ZDHHC5: variants seen among roughly 807,000 people sequenced by gnomAD.
The protein encoded by ZDHHC5 is palmitoyltransferase ZDHHC5.
Under a neutral mutation model 70.0 loss-of-function variants are expected in ZDHHC5, and 22 were observed. The observed-to-expected ratio is 0.31, with a 90% CI of 0.22 to 0.45. The LOEUF (loss-of-function observed/expected upper bound fraction) is 0.45, where lower values mean the gene tolerates loss of function less well. Among genes scored for constraint, ZDHHC5 ranks in the 20% least tolerant of loss-of-function variants. The pLI, the probability that ZDHHC5 is intolerant of heterozygous loss-of-function variation, is 1.00. For synonymous variants in ZDHHC5, 313 were observed against 347.8 expected (o/e 0.90, Z 1.11); for missense variants, 746 against 926.9 (o/e 0.80, Z 2.53).
chr11:57,672,370 T>C lies in ZDHHC5; in HGVS notation c.-721T>C. 1 of 396,216 alleles carries C rather than the reference T, an allele frequency of 2.5e-6. No individual in the cohort carries two copies. The highest frequency in any genetic ancestry group is 4.4e-6 in the Non-Finnish European group (1 of 225,110). 24.5% of individuals were successfully genotyped at this position (396,216 alleles called of 1,614,324 possible). On this transcript the variant is annotated 5_prime_UTR_variant, in exon 2 of 12. Coordinates refer to ENST00000287169, the MANE Select transcript of ZDHHC5 (RefSeq NM_015457.3). ...ATTTACAGCTCAAACTTAGAACAGC[T>C]GTTGTCCAGCTTTAGCCATCAAGAG... is the stretch of plus-strand genomic sequence containing the variant.
intron 7 of ZDHHC5, among the ~76,000 whole-genome samples, chr11:57,693,457 A>G (rs569366456): frequency 1.3e-5 from 2 of 152,176 alleles, no homozygotes; most frequent in Admixed American, 6.5e-5. Flanking sequence ...TCTGCGGCCC[A>G]GGGGTTGGGG....
At chr11:57,683,375 C>G (rs781624739) in intron 3 of ZDHHC5, among the ~76,000 whole-genome samples, 6 of 152,146 alleles carry the variant, frequency 3.9e-5, no homozygotes, top group African/African-American at 7.2e-5. Flanking sequence ...GAATTCAAGG[C>G]TGGATTTACA....
In ZDHHC5 at chr11:57,680,092, A is replaced by G. The variant is rs74378915; in HGVS notation, c.105-2330A>G. 2.6e-3 allele frequency among the ~76,000 whole-genome samples: 397 copies of G among 152,284 alleles called. 9 individuals are homozygous for G. The East Asian group carries it at 0.066, about 25-fold the overall frequency. ...CCAAGAAACTGAGTTGCTTTGCCTA[A>G]AAATGAAACTGGCTGGGCATGGTGG... On this transcript the variant is annotated intron_variant, in intron 2 of 11. Coordinates refer to ENST00000287169, the MANE Select transcript of ZDHHC5 (RefSeq NM_015457.3).
chr11:57,684,898 G>GC (rs1295081372), intron 3 of ZDHHC5, among the ~76,000 whole-genome samples: 17 of 152,220 alleles, frequency 1.1e-4, no homozygotes, highest in African/African-American at 3.9e-4. Context: ...CTTAATCCCA[G>GC]CACTTTGGGA....
At chr11:57,683,852 G>C (rs1946177296) in intron 3 of ZDHHC5, among the ~76,000 whole-genome samples, 1 of 151,996 alleles carries the variant, frequency 6.6e-6, no homozygotes. Context: ...AGGAGAAATA[G>C]AACAAAGTGG....
At chr11:57,677,491 T>C (rs1946087345) in intron 2 of ZDHHC5, among the ~76,000 whole-genome samples, 1 of 151,984 alleles carries the variant, frequency 6.6e-6, no homozygotes, top group Non-Finnish European at 1.5e-5. Flanking sequence ...TTCACCATAA[T>C]GGCCAGGCTG....
rs752124059 is a variant in ZDHHC5, at chr11:57,690,399, G to A, written c.622G>A (p.Val208Met). The A allele has an allele frequency of 8.7e-6, 14 of 1,614,054 alleles. No individual in the cohort carries two copies. Among genetic ancestry groups the A allele is most frequent in the South Asian group, 2.2e-5 (2 of 91,092 alleles). The change falls in exon 6 of 12, where the codon GTG becomes ATG. Residue 208 changes from valine to methionine, a missense_variant. Around this residue, in one of 6 missense-constraint regions of ZDHHC5, gnomAD observed 114 missense variants for 179.3 expected, o/e 0.64. Coordinates refer to ENST00000287169, the MANE Select transcript of ZDHHC5 (RefSeq NM_015457.3). ...IPVAGLTGFH[V>M]VLVARGRTTN... is the part of the protein sequence containing the mutation. ...TGTAGCTGGCCTCACGGGATTTCAC[G>A]TGGTTCTGGTGGCCAGGGGACGCAC... is the stretch of plus-strand genomic sequence containing the variant.
rs1300942959 is a variant in ZDHHC5 at position 57,673,108 on chromosome 11, A to G, written c.18A>G (p.Gly6=). The G allele has an allele frequency of 6.2e-7, 1 of 1,613,830 alleles. No individual in the cohort carries two copies. The highest frequency in any genetic ancestry group is 8.5e-7 in the Non-Finnish European group (1 of 1,179,898). Residue 6 remains glycine, a synonymous_variant, in exon 2 of 12, where the codon GGA becomes GGG. Coordinates refer to ENST00000287169, the MANE Select transcript of ZDHHC5 (RefSeq NM_015457.3). MPAES[G]KRFKPSKYVP... ...GCTCCAACATGCCCGCAGAGTCTGG[A>G]AAGAGATTCAAACCCAGCAAGTATG... is the stretch of plus-strand genomic sequence containing the variant.
intron 4 of ZDHHC5, among the ~76,000 whole-genome samples, chr11:57,689,470 C>T (rs905804808): frequency 1.1e-4 from 16 of 152,034 alleles, no homozygotes; most frequent in African/African-American, 2.6e-4. Context: ...CTCCGCCTCC[C>T]GGGTTCAACC....
At chr11:57,696,091 G>A in intron 9 of ZDHHC5, 48 bp downstream of exon 9, 2 of 1,579,206 alleles carry the variant, frequency 1.3e-6, no homozygotes, top group South Asian at 1.2e-5. Context: ...GGGCAGGATT[G>A]AGAAGGTTGC....
Position 57,700,105 on chromosome 11 carries a change from C to G in ZDHHC5, c.*74C>G. 2.0e-6 allele frequency: 3 copies of G among 1,490,292 alleles called. No homozygotes were observed. The South Asian group carries it at 4.1e-5, about 21-fold the overall frequency. 92.3% of individuals were successfully genotyped at this position (1,490,292 alleles called of 1,614,324 possible). A position where few individuals can be genotyped will look rare whatever the true frequency, so the allele number is the denominator to read the frequency against. On this transcript the variant is annotated 3_prime_UTR_variant, in exon 12 of 12. Coordinates refer to ENST00000287169, the MANE Select transcript of ZDHHC5 (RefSeq NM_015457.3). ...CCCCAGGTGGCCACCTTCCTTCCCTCAAGGGGCTCCCCTCCCGTGCATGGA... is the reference window on the plus strand; with the variant it reads ...CCCCAGGTGGCCACCTTCCTTCCCTGAAGGGGCTCCCCTCCCGTGCATGGA...
chr11:57,681,941 C>T (rs1056631008), intron 2 of ZDHHC5, among the ~76,000 whole-genome samples: 3 of 152,194 alleles, frequency 2.0e-5, no homozygotes, highest in African/African-American at 7.2e-5. Context: ...TGGTTCAGTC[C>T]CCTGGCAAGG....
At chr11:57,685,257 A>C (rs895574724) in intron 3 of ZDHHC5, among the ~76,000 whole-genome samples, 2 of 152,228 alleles carry the variant, frequency 1.3e-5, no homozygotes, top group African/African-American at 4.8e-5. Flanking sequence ...GTGTCCCTAA[A>C]GCCAAGAAAG....
At chr11:57,690,842 C>T (rs866737764) in intron 6 of ZDHHC5, among the ~76,000 whole-genome samples, 2 of 151,970 alleles carry the variant, frequency 1.3e-5, no homozygotes, top group South Asian at 2.1e-4. Context: ...ACCCTGGGGC[C>T]TGTTGTGGGG....
intron 4 of ZDHHC5, 138 bp from the exon 5 acceptor site, chr11:57,689,893 G>T: frequency 8.4e-7 from 1 of 1,187,726 alleles, no homozygotes. Context: ...GATTTATAGA[G>T]CAAAATAAAC....
intron 2 of ZDHHC5, among the ~76,000 whole-genome samples, chr11:57,677,764 TC>T (rs1357548497): frequency 6.6e-6 from 1 of 152,074 alleles, no homozygotes; most frequent in Non-Finnish European, 1.5e-5. Flanking sequence ...TGGTCCCCCC[TC>T]CCCCGTAACT....
intron 6 of ZDHHC5, among the ~76,000 whole-genome samples, chr11:57,691,188 C>G (rs528542628): frequency 6.6e-6 from 1 of 152,112 alleles, no homozygotes; most frequent in Admixed American, 6.6e-5. Flanking sequence ...TCTCCTGCCT[C>G]AGGCTCCCAA....
At chr11:57,699,526 G>C (rs1250750035) in intron 11 of ZDHHC5, 108 bp downstream of exon 11, 1 of 1,456,766 alleles carries the variant, frequency 6.9e-7, no homozygotes, top group African/African-American at 1.4e-5. Context: ...GGACCCAGGG[G>C]TATCCTGGTA....
intron 3 of ZDHHC5, among the ~76,000 whole-genome samples, chr11:57,684,117 C>T (rs931591268): frequency 1.3e-5 from 2 of 151,940 alleles, no homozygotes; most frequent in Admixed American, 6.6e-5. Context: ...GGACTACAGG[C>T]GCGGGCCACC....
Sources: allele counts gnomAD v4.1 joint callset (sites outside exome capture counted in the v4.1 genomes callset), GRCh38; gene constraint gnomAD v4.1.1; regional missense constraint gnomAD v4.1.1; transcripts MANE v1.5; gene names NCBI Gene and HGNC (gene_info 2026-07-23, HGNC 2026-07-21).